Variants in KIAA1549L observed in about 807,000 individuals in gnomAD.
KIAA1549L encodes UPF0606 protein KIAA1549L.
A neutral mutation model predicts 160.7 loss-of-function variants in KIAA1549L; 88 were observed. That is an observed-to-expected ratio of 0.55 (90% CI 0.46 to 0.65). The LOEUF is 0.65. KIAA1549L is among the 30% of genes least tolerant of loss of function. KIAA1549L has a pLI of 0.00. For synonymous variants in KIAA1549L, 950 were observed against 976.7 expected (o/e 0.97, Z 0.51); for missense variants, 2,258 against 2,437.5 (o/e 0.93, Z 1.55).
chr11:33,452,236 G>A (rs2761217), intron 1 of KIAA1549L, among the ~76,000 whole-genome samples: 11,094 of 152,220 alleles, frequency 0.073, 1,352 homozygotes, highest in African/African-American at 0.25. Context: ...ATAGCAGAAG[G>A]AAGCTGCCTA....
chr11:33,464,168 T>A (rs1442327504), intron 1 of KIAA1549L, among the ~76,000 whole-genome samples: 1 of 152,248 alleles, frequency 6.6e-6, no homozygotes, highest in African/African-American at 2.4e-5. Context: ...GCTAGATCTG[T>A]GATTTAAATG....
intron 1 of KIAA1549L, among the ~76,000 whole-genome samples, chr11:33,432,141 G>C (rs894713865): frequency 6.6e-6 from 1 of 152,186 alleles, no homozygotes; most frequent in Non-Finnish European, 1.5e-5. Context: ...ACACCTCCCC[G>C]CAAGCTGAGG....
intron 20 of KIAA1549L, among the ~76,000 whole-genome samples, chr11:33,666,629 C>CTAAATTCAAAAT (rs1852464434): frequency 6.6e-6 from 1 of 152,202 alleles, no homozygotes; most frequent in African/African-American, 2.4e-5. Flanking sequence ...AGAATCGACT[C>CTAAATTCAAAAT]TAAATTCAAA....
At chr11:33,541,043 C>G (rs1854007897) in intron 1 of KIAA1549L, among the ~76,000 whole-genome samples, 1 of 152,184 alleles carries the variant, frequency 6.6e-6, no homozygotes, top group Non-Finnish European at 1.5e-5. Flanking sequence ...GAGTGAACTT[C>G]TAGCTTTCCA....
chr11:33,462,697 AC>A (rs933506239), intron 1 of KIAA1549L, among the ~76,000 whole-genome samples: 2 of 151,974 alleles, frequency 1.3e-5, no homozygotes, highest in Admixed American at 6.6e-5. Flanking sequence ...AAATTTCTTA[AC>A]TTCCCTGTTT....
At chr11:33,662,438 CT>C (rs1852297698) in intron 20 of KIAA1549L, among the ~76,000 whole-genome samples, 1 of 152,168 alleles carries the variant, frequency 6.6e-6, no homozygotes, top group Non-Finnish European at 1.5e-5. Flanking sequence ...GTCTGTGAAT[CT>C]GAATGTGGGA....
chr11:33,480,680 G>T (rs1852392927), intron 1 of KIAA1549L, among the ~76,000 whole-genome samples: 1 of 152,206 alleles, frequency 6.6e-6, no homozygotes, highest in Admixed American at 6.5e-5. Context: ...ACTGCAAGAA[G>T]CTCATCACCC....
At chr11:33,440,045 G>C (rs907369982) in intron 1 of KIAA1549L, among the ~76,000 whole-genome samples, 1 of 137,488 alleles carries the variant, frequency 7.3e-6, no homozygotes, top group Non-Finnish European at 1.6e-5. Context: ...ACATCTTTTT[G>C]TTCCACTTTT....
At position 33,562,446 on chromosome 11, in the gene KIAA1549L, A is replaced by G. The variant is rs116760474; in HGVS notation, c.4078+711A>G. Among the ~76,000 whole-genome samples, 480 of 152,314 alleles carry G rather than the reference A, an allele frequency of 3.2e-3. 4 individuals are homozygous for G. The highest frequency in any genetic ancestry group is 0.011 in the African/African-American group (451 of 41,582). On this transcript the variant is annotated intron_variant, in intron 8 of 20. Transcript: ENST00000658780. The stretch of plus-strand genomic sequence containing the variant: ...AAGTGCCACAGACTGGGTGGCTTCA[A>G]CAACAGACATTTATCTGCTCTCAAT...
At chr11:33,558,708 C>G (rs552551842) in intron 6 of KIAA1549L, among the ~76,000 whole-genome samples, 1 of 152,214 alleles carries the variant, frequency 6.6e-6, no homozygotes, top group South Asian at 2.1e-4. Context: ...CTAGCTTCGA[C>G]AAAATGTGAA....
At chr11:33,433,227 A>C (rs1047153751) in intron 1 of KIAA1549L, among the ~76,000 whole-genome samples, 1 of 152,162 alleles carries the variant, frequency 6.6e-6, no homozygotes, top group South Asian at 2.1e-4. Context: ...ACTTCAACAT[A>C]TTTACAAGAC....
intron 1 of KIAA1549L, among the ~76,000 whole-genome samples, chr11:33,499,588 G>C (rs1453684206): frequency 6.6e-6 from 1 of 152,224 alleles, no homozygotes; most frequent in African/African-American, 2.4e-5. Flanking sequence ...CCTGAAGCCA[G>C]AGTGAACACC....
intron 1 of KIAA1549L, among the ~76,000 whole-genome samples, chr11:33,540,136 T>C (rs1360597135): frequency 6.6e-6 from 1 of 152,186 alleles, no homozygotes; most frequent in African/African-American, 2.4e-5. Context: ...TATTCCTCCA[T>C]CCTGTTTGCA....
chr11:33,418,898 T>G (rs1850941980), intron 1 of KIAA1549L, among the ~76,000 whole-genome samples: 1 of 86,962 alleles, frequency 1.1e-5, no homozygotes, highest in Admixed American at 1.2e-4. Context: ...TTTTTTTTTT[T>G]TGGGTGGGGT....
chr11:33,622,680 T>C (rs979119920), intron 16 of KIAA1549L, among the ~76,000 whole-genome samples: 7 of 152,098 alleles, frequency 4.6e-5, no homozygotes, highest in Admixed American at 4.6e-4. Context: ...GCCTCAACAG[T>C]ACAGGAATGC....
intron 16 of KIAA1549L, among the ~76,000 whole-genome samples, chr11:33,630,860 G>A (rs923367405): frequency 6.6e-6 from 1 of 152,208 alleles, no homozygotes; most frequent in Non-Finnish European, 1.5e-5. Flanking sequence ...TACTCTGCTG[G>A]CTGGCATTAG....
At chr11:33,470,223 T>C (rs1852149536) in intron 1 of KIAA1549L, among the ~76,000 whole-genome samples, 2 of 152,218 alleles carry the variant, frequency 1.3e-5, no homozygotes, top group Admixed American at 1.3e-4. Context: ...AATTTTGTTG[T>C]TTTACATGTG....
chr11:33,516,794 A>G (rs1853354225), intron 1 of KIAA1549L, among the ~76,000 whole-genome samples: 1 of 152,200 alleles, frequency 6.6e-6, no homozygotes, highest in Non-Finnish European at 1.5e-5. Flanking sequence ...GTATGGAATC[A>G]GCCACATTTG....
chr11:33,464,411 G>A (rs906965576), intron 1 of KIAA1549L, among the ~76,000 whole-genome samples: 2 of 151,962 alleles, frequency 1.3e-5, no homozygotes, highest in African/African-American at 4.8e-5. Flanking sequence ...TATCCTAGTG[G>A]AGAATGCAGA....
Sources: allele counts gnomAD v4.1 joint callset (sites outside exome capture counted in the v4.1 genomes callset), GRCh38; gene constraint gnomAD v4.1.1; transcripts MANE v1.5; gene names NCBI Gene and HGNC (gene_info 2026-07-23, HGNC 2026-07-21).